WWOX: variants seen among roughly 807,000 people sequenced by gnomAD.
The protein encoded by WWOX is WW domain containing oxidoreductase.
A neutral mutation model predicts 46.2 loss-of-function variants in WWOX; 69 were observed. The ratio of observed to expected loss-of-function variants is 1.49; its 90% CI spans 1.23 to 1.82. The LOEUF (loss-of-function observed/expected upper bound fraction) is 1.82, where lower values mean the gene tolerates loss of function less well. WWOX is among the 40% of genes most tolerant of loss of function. The probability of loss-of-function intolerance (pLI) is 0.00; values close to 1 mark genes in which losing one functional copy is unlikely to be tolerated. For missense variants in WWOX, 919 were observed against 542.6 expected (o/e 1.69, Z -6.89); for synonymous variants, 359 against 202.6 (o/e 1.77, Z -6.56).
intron 6 of WWOX, among the ~76,000 whole-genome samples, chr16:78,407,488 G>A (rs2082575045): frequency 6.6e-6 from 1 of 152,104 alleles, no homozygotes; most frequent in South Asian, 2.1e-4. Flanking sequence ...TCACTTTTGG[G>A]GAGCATGTTA....
chr16:78,629,892 G>A (rs576058440), intron 8 of WWOX, among the ~76,000 whole-genome samples: 3 of 152,294 alleles, frequency 2.0e-5, no homozygotes, highest in Non-Finnish European at 2.9e-5. Context: ...TATCTAAGAA[G>A]TAGATTTTTA....
intron 8 of WWOX, among the ~76,000 whole-genome samples, chr16:78,613,234 A>G (rs1281556064): frequency 6.6e-6 from 1 of 152,130 alleles, no homozygotes; most frequent in African/African-American, 2.4e-5. Context: ...ATTTCCTGAC[A>G]TTCCCAACAT....
intron 8 of WWOX, among the ~76,000 whole-genome samples, chr16:79,165,517 A>T (rs1110542): frequency 0.46 from 70,653 of 152,032 alleles, 16,976 homozygotes; most frequent in East Asian, 0.74. Context: ...TGGGATGTTT[A>T]TTCTTTGTTT....
At chr16:78,986,795 T>C (rs1251073838) in intron 8 of WWOX, among the ~76,000 whole-genome samples, 1 of 152,178 alleles carries the variant, frequency 6.6e-6, no homozygotes, top group Non-Finnish European at 1.5e-5. Flanking sequence ...ATTTTGATGT[T>C]GTTAGCTTTC....
chr16:78,112,675 G>GTT (rs199790066), intron 3 of WWOX, among the ~76,000 whole-genome samples: 36 of 129,182 alleles, frequency 2.8e-4, no homozygotes, highest in Middle Eastern at 4.1e-3. Flanking sequence ...TGTTGAAAAT[G>GTT]TTTTTTTTTT....
chr16:78,283,959 C>T (rs1316447383), intron 5 of WWOX, among the ~76,000 whole-genome samples: 1 of 152,172 alleles, frequency 6.6e-6, no homozygotes, highest in African/African-American at 2.4e-5. Flanking sequence ...CTGAAGGGTA[C>T]AGTAACCCAT....
At chr16:78,345,601 C>G (rs2081081872) in intron 5 of WWOX, among the ~76,000 whole-genome samples, 2 of 83,986 alleles carry the variant, frequency 2.4e-5, no homozygotes, top group South Asian at 4.2e-4. Flanking sequence ...GATCCTGTCT[C>G]TACACCTCAG....
intron 8 of WWOX, among the ~76,000 whole-genome samples, chr16:79,073,837 A>G (rs959286387): frequency 6.6e-6 from 1 of 152,170 alleles, no homozygotes; most frequent in African/African-American, 2.4e-5. Context: ...GTTCGTAACT[A>G]TTTGTCAAAA....
At chr16:78,767,278 C>T (rs898644759) in intron 8 of WWOX, among the ~76,000 whole-genome samples, 11 of 151,900 alleles carry the variant, frequency 7.2e-5, no homozygotes, top group African/African-American at 2.4e-4. Flanking sequence ...CCATGCCTGG[C>T]TTTTTAAATT....
chr16:78,285,599 A>T (rs1456506951), intron 5 of WWOX, among the ~76,000 whole-genome samples: 1 of 152,186 alleles, frequency 6.6e-6, no homozygotes, highest in African/African-American at 2.4e-5. Flanking sequence ...TGCTGGGGGA[A>T]GATTTTGCAA....
intron 8 of WWOX, among the ~76,000 whole-genome samples, chr16:79,033,833 T>C (rs2047813824): frequency 6.6e-6 from 1 of 152,248 alleles, no homozygotes; most frequent in Admixed American, 6.5e-5. Context: ...TGTTCTTTTG[T>C]GGCTGACTTA....
At chr16:78,781,572 T>C (rs960929843) in intron 8 of WWOX, among the ~76,000 whole-genome samples, 1 of 152,166 alleles carries the variant, frequency 6.6e-6, no homozygotes, top group Non-Finnish European at 1.5e-5. Flanking sequence ...ATTTAAAACA[T>C]GTTTATCTAT....
intron 5 of WWOX, among the ~76,000 whole-genome samples, chr16:78,363,442 T>A (rs1164044828): frequency 2.3e-5 from 1 of 44,192 alleles, no homozygotes; most frequent in East Asian, 2.6e-4. Flanking sequence ...TCCAGCTGAT[T>A]ATTTAAAAAA....
intron 8 of WWOX, among the ~76,000 whole-genome samples, chr16:79,074,444 G>GTTTTT (rs2048615135): frequency 3.3e-5 from 1 of 30,600 alleles, no homozygotes; most frequent in South Asian, 1.3e-3. Flanking sequence ...TTTTTTTTTG[G>GTTTTT]TCATATTTTC....
rs894921426 is a variant in WWOX, at chr16:78,814,933, G to C, written c.1056+382181G>C. On this transcript the variant is annotated intron_variant, in intron 8 of 8. Transcript: ENST00000566780. ...CCACCTGGCCTGGAAGCTGACCATAGTTGGCTCTCTTGCCCTTTCTTCTTC... is the reference window on the plus strand; with the variant it reads ...CCACCTGGCCTGGAAGCTGACCATACTTGGCTCTCTTGCCCTTTCTTCTTC... Among the ~76,000 whole-genome samples the C allele has an allele frequency of 7.2e-5, 11 of 152,170 alleles. 1 individual carries two copies. Among genetic ancestry groups the C allele is most frequent in the African/African-American group, 2.7e-4 (11 of 41,444 alleles).
chr16:78,144,450 C>CATATAT (rs1555543045), intron 4 of WWOX, among the ~76,000 whole-genome samples: 2,827 of 24,852 alleles, frequency 0.11, 549 homozygotes, highest in Middle Eastern at 0.23. Context: ...TATATATACA[C>CATATAT]ATATATATAT....
intron 5 of WWOX, among the ~76,000 whole-genome samples, chr16:78,267,346 T>C (rs1042753455): frequency 2.0e-5 from 3 of 152,268 alleles, no homozygotes; most frequent in African/African-American, 7.2e-5. Flanking sequence ...AATTGCATGT[T>C]TTCTTGTTTT....
intron 5 of WWOX, among the ~76,000 whole-genome samples, chr16:78,312,723 C>T (rs569265828): frequency 1.4e-4 from 22 of 152,286 alleles, no homozygotes; most frequent in African/African-American, 5.1e-4. Flanking sequence ...GATTTCTCTG[C>T]ATTGGAGGAA....
chr16:78,498,214 A>AAAAAG (rs1555549963), intron 8 of WWOX, among the ~76,000 whole-genome samples: 4 of 128,210 alleles, frequency 3.1e-5, no homozygotes, highest in East Asian at 4.5e-4. Flanking sequence ...CAAAAAAAAA[A>AAAAAG]AAAAGAAAAA....
Sources: gnomAD v4.1 joint callset for allele counts (sites outside exome capture counted in the v4.1 genomes callset) on GRCh38, gnomAD v4.1.1 for gene constraint, MANE v1.5 for transcripts, NCBI Gene and HGNC (gene_info 2026-07-23, HGNC 2026-07-21) for gene names.